The following TRIP11 variants were observed in gnomAD, a reference collection of about 807,000 sequenced individuals.
TRIP11 encodes thyroid receptor-interacting protein 11.
TRIP11 carries 148 observed loss-of-function variants against 223.1 expected under a neutral mutation model. The observed-to-expected ratio is 0.66, with a 90% CI of 0.58 to 0.76. The LOEUF is 0.76. Among genes scored for constraint, TRIP11 ranks in the 30% least tolerant of loss-of-function variants. TRIP11 has a pLI of 0.00. For missense variants in TRIP11, 2,043 were observed against 2,222.0 expected, an observed-to-expected ratio of 0.92 and a Z score of 1.62; for synonymous variants, 762 against 772.6, an observed-to-expected ratio of 0.99 and a Z score of 0.23.
chr14:92,005,123 G>A lies in TRIP11; in HGVS notation c.2853C>T (p.Asn951=), dbSNP rs751672147. 37 of 1,613,310 alleles carry A rather than the reference G, an allele frequency of 2.3e-5. No homozygotes were observed. Among genetic ancestry groups the A allele is most frequent in the Admixed American group, 8.3e-5 (5 of 59,984 alleles). Residue 951 remains asparagine (N), a synonymous_variant, in exon 11 of 21, where the codon AAC becomes AAT. Coordinates refer to ENST00000267622, the MANE Select transcript of TRIP11 (RefSeq NM_004239.4). The part of the protein sequence containing the change: ...DEFRYQHEQM[N]ATHTQLFLEK... Reference sequence around the variant, plus strand: ...CTAAAAAGAGCTGGGTGTGTGTGGCGTTCATTTGCTCATGCTGGTATCTAA... The same window carrying A: ...CTAAAAAGAGCTGGGTGTGTGTGGCATTCATTTGCTCATGCTGGTATCTAA...
At chr14:92,008,705 T>C (rs1480587263) in intron 9 of TRIP11, among the ~76,000 whole-genome samples, 3 of 152,106 alleles carry the variant, frequency 2.0e-5, no homozygotes, top group Non-Finnish European at 4.4e-5. Context: ...CTACTTTAAA[T>C]AGAGTATTGA....
chr14:92,005,310 T>C lies in TRIP11; in HGVS notation c.2666A>G (p.Asp889Gly). ...CTCAGATGCTAGTTCAGTAACACTA[T>C]CAAGGGTTTTAGGGTCAGCCACAGG... ...TAPVADPKTL[D>G]SVTELASEVS... is the part of the protein sequence containing the mutation. The change falls in exon 11 of 21, where the codon GAT (aspartate) becomes GGT (glycine). Residue 889 changes from aspartate to glycine, a missense_variant. Transcript: ENST00000267622. 1.2e-6 allele frequency: 2 copies of C among 1,614,132 alleles called. No individual in the cohort carries two copies. The highest frequency in any genetic ancestry group is 1.7e-6 in the Non-Finnish European group (2 of 1,180,006).
At chr14:91,970,302 A>T (rs1467520081) in intron 20 of TRIP11, among the ~76,000 whole-genome samples, 2 of 152,086 alleles carry the variant, frequency 1.3e-5, no homozygotes, top group Non-Finnish European at 2.9e-5. Flanking sequence ...AATCCCAGCT[A>T]CTTGGGAGGC....
intron 15 of TRIP11, among the ~76,000 whole-genome samples, chr14:91,992,250 A>C (rs1257719442): frequency 6.6e-6 from 1 of 151,992 alleles, no homozygotes; most frequent in Non-Finnish European, 1.5e-5. Context: ...GAAAAAGAAA[A>C]AAGAAAACCA....
Position 92,039,624 on chromosome 14 carries a change from C to T in TRIP11, c.62G>A (p.Gly21Asp), listed in dbSNP as rs141630199. 2.9e-5 allele frequency: 46 copies of T among 1,612,616 alleles called. No homozygotes were observed. The highest frequency in any genetic ancestry group is 3.9e-5 in the Non-Finnish European group (46 of 1,179,468). ...GLGQSLGQVG[G>D]SLASLTGQIS... ...CTGGCCAGTGAGGGAAGCCAGGCTG[C>T]CCCCGACTTGACCCAGAGACTGGCC... The change falls in exon 1 of 21, where the codon GGC (glycine) becomes GAC (aspartate). Residue 21 changes from glycine (G) to aspartate (D), a missense_variant. Transcript: ENST00000267622.
chr14:92,025,839 C>G (rs1303567912), intron 2 of TRIP11, among the ~76,000 whole-genome samples: 2 of 147,364 alleles, frequency 1.4e-5, no homozygotes, highest in African/African-American at 2.5e-5. Context: ...GAGATCATGC[C>G]ATTGCATTCC....
rs2056789663 is a variant in TRIP11 at position 91,999,240 on chromosome 14, C to T, written c.4892G>A (p.Ser1631Asn). 1 of 1,612,446 alleles carries T rather than the reference C, an allele frequency of 6.2e-7. No individual in the cohort carries two copies. Among genetic ancestry groups the T allele is most frequent in the Non-Finnish European group, 8.5e-7 (1 of 1,179,752 alleles). Residue 1631 changes from serine (S) to asparagine (N), a missense_variant and splice_region_variant, in exon 13 of 21, where the codon AGC becomes AAC. Physicochemically the swap from Ser to Asn is conservative, Grantham distance 46 (BLOSUM62 1). Transcript: ENST00000267622. ...VSSSNAMENA[S>N]HQASVQVESL... ...TAATGCAAAAAAATGAAAAAATTAC[C>T]TTGCATTTTCCATTGCATTAGAGGA... is the stretch of plus-strand genomic sequence containing the variant.
At chr14:91,985,863 A>C (rs2140095105) in intron 16 of TRIP11, among the ~76,000 whole-genome samples, 1 of 152,360 alleles carries the variant, frequency 6.6e-6, no homozygotes, top group Non-Finnish European at 1.5e-5. Flanking sequence ...AAGTGAGCTA[A>C]TCAAAGTTTT....
At chr14:91,994,614 T>G (rs906894602) in intron 14 of TRIP11, among the ~76,000 whole-genome samples, 6 of 152,226 alleles carry the variant, frequency 3.9e-5, no homozygotes, top group Non-Finnish European at 8.8e-5. Context: ...AAAGTTTTGC[T>G]TAGGCATAAA....
At position 92,003,751 on chromosome 14, in the gene TRIP11, G is replaced by C. The variant is rs1258982237; in HGVS notation, c.4225C>G (p.Leu1409Val). Residue 1409 changes from leucine to valine, a missense_variant, in exon 11 of 21, where the codon CTT (leucine) becomes GTT (valine). By Grantham distance (32) the Leu-to-Val change is conservative. Coordinates refer to ENST00000267622, the MANE Select transcript of TRIP11 (RefSeq NM_004239.4). ...KEKQDVLQKL[L>V]KEKDLLIKAK... Reference sequence around the variant, plus strand: ...TTGATTAAGAGGTCTTTTTCCTTAAGTAACTTTTGCAAAACATCTTGTTTC... The same window carrying C: ...TTGATTAAGAGGTCTTTTTCCTTAACTAACTTTTGCAAAACATCTTGTTTC... 1.9e-6 allele frequency: 3 copies of C among 1,613,990 alleles called. No homozygotes were observed. The highest frequency in any genetic ancestry group is 1.7e-6 in the Non-Finnish European group (2 of 1,180,026).
In TRIP11 at chr14:92,003,627, C is replaced by T. The variant is rs2140115728; in HGVS notation, c.4349G>A (p.Arg1450Lys). The change falls in exon 11 of 21, where the codon AGA (arginine) becomes AAA (lysine). Residue 1450 changes from arginine (R) to lysine (K), a missense_variant. Coordinates refer to ENST00000267622, the MANE Select transcript of TRIP11 (RefSeq NM_004239.4). ...LRQAVTNLKERILILEMDIGK... is the reference protein window; with the variant it reads ...LRQAVTNLKEKILILEMDIGK... ...AATGTCCATCTCTAGAATTAATATT[C>T]TCTCCTTCAGGTTTGTTACTGCCTG... The T allele has an allele frequency of 6.2e-7, 1 of 1,614,078 alleles. No individual in the cohort carries two copies. Among genetic ancestry groups the T allele is most frequent in the Non-Finnish European group, 8.5e-7 (1 of 1,180,020 alleles).
Position 91,993,798 on chromosome 14 carries a change from T to C in TRIP11, c.5160+11A>G, listed in dbSNP as rs2056712435. On this transcript the variant is annotated intron_variant, in intron 15 of 20. Coordinates refer to ENST00000267622, the MANE Select transcript of TRIP11 (RefSeq NM_004239.4). The stretch of plus-strand genomic sequence containing the variant: ...TAATAAAACCTACAAGAGAAAACTA[T>C]TTTGTCCTACCTGTAATGATATCAC... 6.3e-7 allele frequency: 1 copy of C among 1,599,038 alleles called. No homozygotes were observed. Among genetic ancestry groups the C allele is most frequent in the Non-Finnish European group, 8.6e-7 (1 of 1,166,700 alleles).
At chr14:91,981,408 T>C (rs2056542947) in intron 16 of TRIP11, among the ~76,000 whole-genome samples, 1 of 151,812 alleles carries the variant, frequency 6.6e-6, no homozygotes, top group Non-Finnish European at 1.5e-5. Context: ...GTTGTTTTTT[T>C]AGACAGAGTC....
rs745585138 is a variant in TRIP11 at position 91,969,637 on chromosome 14, T to A, written c.*36A>T. 2.5e-6 allele frequency: 4 copies of A among 1,605,772 alleles called. No individual in the cohort carries two copies. Among genetic ancestry groups the A allele is most frequent in the Non-Finnish European group, 2.6e-6 (3 of 1,174,086 alleles). ...ACATACATATAGTGTTCATGGTTTC[T>A]TTAAAGTGCTAGATTGTCTCTGGCT... On this transcript the variant is annotated 3_prime_UTR_variant, in exon 21 of 21. Transcript: ENST00000267622.
At position 92,006,215 on chromosome 14, in the gene TRIP11, A is replaced by C; in HGVS notation, c.1761T>G (p.Asn587Lys). 1 of 1,613,204 alleles carries C rather than the reference A, an allele frequency of 6.2e-7. No homozygotes were observed. Among genetic ancestry groups the C allele is most frequent in the Admixed American group, 1.7e-5 (1 of 59,974 alleles). The change falls in exon 11 of 21, where the codon AAT becomes AAG. Residue 587 changes from asparagine (N) to lysine (K), a missense_variant. Coordinates refer to ENST00000267622, the MANE Select transcript of TRIP11 (RefSeq NM_004239.4). ...TKQKLEDKVENLVDQLNKSQE... is the reference protein window; with the variant it reads ...TKQKLEDKVEKLVDQLNKSQE... Reference sequence around the variant, plus strand: ...GTGATTTATTTAGCTGATCTACTAAATTTTCTACTTTGTCCTCAAGTTTCT... The same window carrying C: ...GTGATTTATTTAGCTGATCTACTAACTTTTCTACTTTGTCCTCAAGTTTCT...
rs775330938 is a variant in TRIP11 at position 91,988,345 on chromosome 14, T to G, written c.5199A>C (p.Ala1733=). 1 of 1,613,936 alleles carries G rather than the reference T, an allele frequency of 6.2e-7. No homozygotes were observed. The highest frequency in any genetic ancestry group is 1.7e-5 in the Admixed American group (1 of 60,008). Residue 1733 remains alanine, a synonymous_variant, in exon 16 of 21, where the codon GCA becomes GCC. Coordinates refer to ENST00000267622, the MANE Select transcript of TRIP11 (RefSeq NM_004239.4). ...LDEANAALDS[A]SRLTEQLDVK... is the part of the protein sequence containing the mutation. ...CATCTAACTGTTCTGTAAGTCTTGA[T>G]GCTGAATCCAATGCAGCATTTGCTT...
chr14:91,981,673 A>G (rs2056547196), intron 16 of TRIP11, among the ~76,000 whole-genome samples: 1 of 152,256 alleles, frequency 6.6e-6, no homozygotes, highest in South Asian at 2.1e-4. Context: ...GATTACAGGC[A>G]TGGGCCACCG....
chr14:91,997,356 C>A (rs2056763659), intron 13 of TRIP11, among the ~76,000 whole-genome samples: 1 of 152,126 alleles, frequency 6.6e-6, no homozygotes, highest in Non-Finnish European at 1.5e-5. Context: ...TGAGCCCATT[C>A]CTACCTCCCA....
chr14:91,977,802 T>C (rs1337402152), intron 16 of TRIP11, among the ~76,000 whole-genome samples: 1 of 152,214 alleles, frequency 6.6e-6, no homozygotes, highest in African/African-American at 2.4e-5. Context: ...TTCCGATTTA[T>C]GGTACTAAAT....
Sources: gnomAD v4.1 joint callset for allele counts (sites outside exome capture counted in the v4.1 genomes callset) on GRCh38, gnomAD v4.1.1 for gene constraint, MANE v1.5 for transcripts, NCBI Gene and HGNC (gene_info 2026-07-23, HGNC 2026-07-21) for gene names.